MSI2: variants seen among roughly 807,000 people sequenced by gnomAD.
The protein encoded by MSI2 is musashi RNA binding protein 2.
MSI2 carries 17 observed loss-of-function variants against 45.6 expected under a neutral mutation model. The observed-to-expected ratio is 0.37, with a 90% CI of 0.26 to 0.56. The LOEUF (loss-of-function observed/expected upper bound fraction) is 0.56. Ranked by LOEUF, MSI2 falls within the 20% of genes least tolerant of loss-of-function variation. MSI2 has a pLI of 0.77. For synonymous variants in MSI2, 156 were observed against 158.2 expected, an observed-to-expected ratio of 0.99 and a Z score of 0.11; for missense variants, 293 against 444.2, an observed-to-expected ratio of 0.66 and a Z score of 3.06.
chr17:57,286,203 T>G lies in MSI2; in HGVS notation c.312+24011T>G, dbSNP rs116246119. Among the ~76,000 whole-genome samples, 380 of 152,342 alleles carry G rather than the reference T, an allele frequency of 2.5e-3. 2 individuals carry two copies. The highest frequency in any genetic ancestry group is 8.8e-3 in the African/African-American group (365 of 41,572). ...ACTAGTGGTTGTAGTTTCACTTGTT[T>G]TTTTGACATTAAGGAAACAACAAAT... On this transcript the variant is annotated intron_variant, in intron 5 of 13. Transcript: ENST00000284073.
intron 5 of MSI2, among the ~76,000 whole-genome samples, chr17:57,297,407 A>G (rs988485734): frequency 3.4e-4 from 51 of 152,096 alleles, no homozygotes; most frequent in African/African-American, 1.2e-3. Context: ...CATTATGCCT[A>G]AAAAACAATG....
At chr17:57,494,401 A>G (rs2085935122) in intron 6 of MSI2, among the ~76,000 whole-genome samples, 1 of 152,168 alleles carries the variant, frequency 6.6e-6, no homozygotes. Context: ...TTTTGGTGCC[A>G]GGAGACAGAC....
intron 6 of MSI2, among the ~76,000 whole-genome samples, chr17:57,405,648 A>G (rs2084069441): frequency 6.6e-6 from 1 of 152,242 alleles, no homozygotes; most frequent in Non-Finnish European, 1.5e-5. Flanking sequence ...GGAAAAAGCC[A>G]CTATTTATAA....
At chr17:57,461,126 T>G (rs970405354) in intron 6 of MSI2, among the ~76,000 whole-genome samples, 2 of 152,146 alleles carry the variant, frequency 1.3e-5, no homozygotes, top group African/African-American at 4.8e-5. Context: ...TCATGACACT[T>G]GAGCTTGTGC....
At chr17:57,517,523 A>T (rs1057503601) in intron 6 of MSI2, among the ~76,000 whole-genome samples, 30 of 152,204 alleles carry the variant, frequency 2.0e-4, no homozygotes, top group African/African-American at 7.2e-4. Flanking sequence ...TTGAAGCTCC[A>T]CGAAGGGTTC....
At chr17:57,341,245 G>A (rs1915123065) in intron 5 of MSI2, among the ~76,000 whole-genome samples, 1 of 152,218 alleles carries the variant, frequency 6.6e-6, no homozygotes, top group Admixed American at 6.5e-5. Context: ...GAACGTGTCG[G>A]AAATAATCTG....
chr17:57,360,916 A>G (rs529174307), intron 5 of MSI2, among the ~76,000 whole-genome samples: 3 of 152,200 alleles, frequency 2.0e-5, no homozygotes, highest in Non-Finnish European at 2.9e-5. Context: ...TAAGGTGAAG[A>G]TGCAGATTTC....
At chr17:57,517,895 C>G (rs79706656) in intron 6 of MSI2, among the ~76,000 whole-genome samples, 4,132 of 152,202 alleles carry the variant, frequency 0.027, 192 homozygotes, top group African/African-American at 0.093. Context: ...GATGGGGAGG[C>G]ACCGTAGTAC....
At chr17:57,550,105 T>G (rs1434747544) in intron 7 of MSI2, among the ~76,000 whole-genome samples, 1 of 152,236 alleles carries the variant, frequency 6.6e-6, no homozygotes, top group Non-Finnish European at 1.5e-5. Context: ...CGGTCTTTTC[T>G]GAGCTAATTA....
intron 11 of MSI2, among the ~76,000 whole-genome samples, chr17:57,656,484 C>T (rs1458226111): frequency 6.6e-6 from 1 of 152,142 alleles, no homozygotes; most frequent in Non-Finnish European, 1.5e-5. Context: ...TTCAGGGATA[C>T]GGGTCTATGT....
Position 57,256,689 on chromosome 17 carries a change from C to G in MSI2, c.-54C>G, listed in dbSNP as rs1465531984. 13 of 884,148 alleles carry G rather than the reference C, an allele frequency of 1.5e-5. No individual in the cohort carries two copies. Among genetic ancestry groups the G allele is most frequent in the African/African-American group, 7.5e-5 (3 of 40,166 alleles). The allele number at this position is 884,148 out of a possible 1,614,324, so 54.8% of individuals were successfully genotyped here. ...GCTCGGAGCCGGCCGCCGCTCCGCT[C>G]CGATCGCTGTGGGGCTTGGTTTTTT... On this transcript the variant is annotated 5_prime_UTR_variant, in exon 1 of 14. Coordinates refer to ENST00000284073, the MANE Select transcript of MSI2 (RefSeq NM_138962.4).
chr17:57,638,265 C>A (rs989121320), intron 10 of MSI2, among the ~76,000 whole-genome samples: 6 of 152,144 alleles, frequency 3.9e-5, no homozygotes, highest in African/African-American at 1.4e-4. Flanking sequence ...ATCCCCTGCC[C>A]CTGAGAGACC....
At chr17:57,701,113 G>T in the MSI2 span, among the ~76,000 whole-genome samples, 1 of 152,242 alleles carries the variant, frequency 6.6e-6, no homozygotes, top group South Asian at 2.1e-4. Flanking sequence ...AGGTGGTCAG[G>T]GGGAGACCAG....
intron 10 of MSI2, among the ~76,000 whole-genome samples, chr17:57,640,985 T>C (rs187695322): frequency 8.6e-4 from 130 of 151,530 alleles, no homozygotes; most frequent in African/African-American, 3.0e-3. Flanking sequence ...GGCTAGAGTG[T>C]AGTGGTATAA....
intron 7 of MSI2, among the ~76,000 whole-genome samples, chr17:57,544,786 G>A (rs1478762493): frequency 6.6e-6 from 1 of 152,124 alleles, no homozygotes; most frequent in Non-Finnish European, 1.5e-5. Flanking sequence ...AAGGGAGCTT[G>A]GAAATCTGAA....
chr17:57,396,329 T>C (rs1363230140), intron 5 of MSI2, among the ~76,000 whole-genome samples: 1 of 152,026 alleles, frequency 6.6e-6, no homozygotes, highest in African/African-American at 2.4e-5. Context: ...TTTAATCTCA[T>C]TTTTAAAAGT....
chr17:57,274,739 C>T (rs1426193313), intron 5 of MSI2, among the ~76,000 whole-genome samples: 2 of 152,196 alleles, frequency 1.3e-5, no homozygotes, highest in Non-Finnish European at 2.9e-5. Flanking sequence ...TGGATTCAGA[C>T]AAATTCATGT....
chr17:57,275,836 A>G (rs546843078), intron 5 of MSI2, among the ~76,000 whole-genome samples: 2 of 152,220 alleles, frequency 1.3e-5, no homozygotes, highest in Non-Finnish European at 2.9e-5. Flanking sequence ...CCATTAAGTG[A>G]TCACTAGGCT....
intron 5 of MSI2, among the ~76,000 whole-genome samples, chr17:57,283,729 T>C (rs1387761232): frequency 3.3e-5 from 5 of 152,244 alleles, no homozygotes; most frequent in Non-Finnish European, 7.3e-5. Context: ...GTGCTTAGTC[T>C]GGGATGAACA....
Sources: allele counts gnomAD v4.1 joint callset (sites outside exome capture counted in the v4.1 genomes callset), GRCh38; gene constraint gnomAD v4.1.1; transcripts MANE v1.5; gene names NCBI Gene and HGNC (gene_info 2026-07-23, HGNC 2026-07-21).